CPXM1: variants seen among roughly 807,000 people sequenced by gnomAD.
CPXM1 encodes carboxypeptidase X, M14 family member 1.
A neutral mutation model predicts 80.4 loss-of-function variants in CPXM1; 72 were observed. The observed-to-expected ratio is 0.90, with a 90% CI of 0.74 to 1.09. CPXM1 has a LOEUF of 1.09. Ranked by LOEUF, CPXM1 falls within the 50% of genes least tolerant of loss-of-function variation. The pLI, the probability that CPXM1 is intolerant of heterozygous loss-of-function variation, is 0.00. For synonymous variants in CPXM1, 403 were observed against 405.6 expected, an observed-to-expected ratio of 0.99 and a Z score of 0.08; for missense variants, 892 against 999.4, an observed-to-expected ratio of 0.89 and a Z score of 1.45.
In CPXM1 at chr20:2,794,546, C is replaced by A. The variant is rs372906016; in HGVS notation, c.1954G>T (p.Val652Leu). The change falls in exon 13 of 14, where the codon GTG becomes TTG. Residue 652 changes from valine (V) to leucine (L), a missense_variant. By Grantham distance (32) the Val-to-Leu change is conservative (BLOSUM62 1). This residue lies in a region of CPXM1 where 874 missense variants were observed against 958.4 expected (regional missense o/e 0.91). Transcript: ENST00000380605. The surrounding 1 kb of genome is among the most constrained non-coding windows in gnomAD (Gnocchi z 5.2). The part of the protein sequence containing the change: ...VIAVDGINHD[V>L]TTAWGGDYWR... ...TCCCGGTCAAACACACCCGTGGTCA[C>A]GTCATGGTTAATCCCATCCACGGCA... 1.2e-6 allele frequency: 2 copies of A among 1,614,000 alleles called. No homozygotes were observed. The highest frequency in any genetic ancestry group is 3.3e-5 in the Admixed American group (2 of 60,026).
At position 2,797,486 on chromosome 20, in the gene CPXM1, G is replaced by C. The variant is rs2088522863; in HGVS notation, c.682-144C>G. The C allele has an allele frequency of 2.0e-5, 19 of 945,396 alleles. No individual in the cohort carries two copies. The South Asian group carries it at 3.2e-4, about 16-fold the overall frequency. The allele number at this position is 945,396 out of a possible 1,614,324, so 58.6% of individuals were successfully genotyped here. A position where few individuals can be genotyped will look rare whatever the true frequency, so the allele number is the denominator to read the frequency against. ...AGACTTGCACTGTGCATCAAACACA[G>C]ACCCCGGCCCACAGCCCCTGCCAAT... On this transcript the variant is annotated intron_variant, in intron 5 of 13. Coordinates refer to ENST00000380605, the MANE Select transcript of CPXM1 (RefSeq NM_019609.5).
chr20:2,800,348 G>GCT (rs1218243223), intron 1 of CPXM1, 53 bp downstream of exon 1: 1 of 1,448,230 alleles, frequency 6.9e-7, no homozygotes, highest in East Asian at 2.8e-5. Context: ...CACGGGGCAG[G>GCT]AGAGCCGGGC....
intron 1 of CPXM1, among the ~76,000 whole-genome samples, chr20:2,799,436 G>A (rs567173987): frequency 6.6e-6 from 1 of 152,310 alleles, no homozygotes; most frequent in Non-Finnish European, 1.5e-5. Flanking sequence ...GTCTGCCTGG[G>A]TGTCGAGGCT....
At chr20:2,800,125 T>C (rs942823436) in intron 1 of CPXM1, among the ~76,000 whole-genome samples, 28 of 114,426 alleles carry the variant, frequency 2.4e-4, no homozygotes, top group African/African-American at 7.6e-4. Flanking sequence ...TGCGCGCGCG[T>C]GCACTGTGTG....
At position 2,798,295 on chromosome 20, in the gene CPXM1, C is replaced by A. The variant is rs1475039219; in HGVS notation, c.451-4G>T. 2 of 1,613,498 alleles carry A rather than the reference C, an allele frequency of 1.2e-6. No individual in the cohort carries two copies. Among genetic ancestry groups the A allele is most frequent in the Non-Finnish European group, 1.7e-6 (2 of 1,179,856 alleles). On this transcript the variant is annotated splice_polypyrimidine_tract_variant and splice_region_variant and intron_variant, in intron 3 of 13. Coordinates refer to ENST00000380605, the MANE Select transcript of CPXM1 (RefSeq NM_019609.5). ...GATCGCCGTCCTCCAGGCCTGACTG[C>A]AGACACAGGACATGGTGGTCAGGCC...
chr20:2,796,298 A>G lies in CPXM1; in HGVS notation c.1191T>C (p.Ile397=). Residue 397 remains isoleucine, a synonymous_variant, in exon 9 of 14, where the codon ATT becomes ATC. Transcript: ENST00000380605. The surrounding 1 kb of genome is among the most constrained non-coding windows in gnomAD (Gnocchi z 6.8). ...RVTRLLSEMR[I]HLLPSMNPDG... ...CAGGGTTCATGGAGGGCAGCAGGTG[A>G]ATGCGCATCTCAGAGAGCAGCCGGG... 1 of 1,613,836 alleles carries G rather than the reference A, an allele frequency of 6.2e-7. No individual in the cohort carries two copies. The highest frequency in any genetic ancestry group is 8.5e-7 in the Non-Finnish European group (1 of 1,179,982).
intron 5 of CPXM1, 130 bp from the exon 6 acceptor site, chr20:2,797,472 G>T: frequency 9.4e-7 from 1 of 1,063,470 alleles, no homozygotes. Context: ...GACTTGCACT[G>T]TGCATCAAAC....
chr20:2,795,276 C>G lies in CPXM1; in HGVS notation c.1860+1G>C, dbSNP rs1335151409. ...GCTGGGGGCCGGGACGCAGATCCGACCTGCTCCAGGTAGGTGAGGAGGGCG... is the reference window on the plus strand; with the variant it reads ...GCTGGGGGCCGGGACGCAGATCCGAGCTGCTCCAGGTAGGTGAGGAGGGCG... On this transcript the variant is annotated splice_donor_variant, in intron 12 of 13. Coordinates refer to ENST00000380605, the MANE Select transcript of CPXM1 (RefSeq NM_019609.5). LOFTEE classifies it high-confidence loss of function. This position sits in a 1 kb window ranked among gnomAD's most constrained non-coding sequence, Gnocchi z 5.4. 1 of 1,613,354 alleles carries G rather than the reference C, an allele frequency of 6.2e-7. No individual in the cohort carries two copies. Among genetic ancestry groups the G allele is most frequent in the Non-Finnish European group, 8.5e-7 (1 of 1,179,844 alleles).
Position 2,795,073 on chromosome 20 carries a change from G to A in CPXM1, c.1860+204C>T, listed in dbSNP as rs1392347011. On this transcript the variant is annotated intron_variant, in intron 12 of 13. Coordinates refer to ENST00000380605, the MANE Select transcript of CPXM1 (RefSeq NM_019609.5). The surrounding 1 kb of genome is among the most constrained non-coding windows in gnomAD (Gnocchi z 5.4). The stretch of plus-strand genomic sequence containing the variant: ...GACTGCAATGGAGGCTCCTCCCACC[G>A]GCTCTAACACGATGCCACGCTGCCA... 2.0e-5 allele frequency among the ~76,000 whole-genome samples: 3 copies of A among 151,992 alleles called. No individual in the cohort carries two copies. Among genetic ancestry groups the A allele is most frequent in the Admixed American group, 6.6e-5 (1 of 15,256 alleles).
chr20:2,797,367 T>C (rs865907644), intron 5 of CPXM1, 25 bp from the exon 6 acceptor site: 2 of 1,452,550 alleles, frequency 1.4e-6, no homozygotes, highest in African/African-American at 1.4e-5. Flanking sequence ...TTCTCTGTTG[T>C]GGCTGCTCAA....
intron 1 of CPXM1, among the ~76,000 whole-genome samples, chr20:2,799,907 C>T (rs1054708689): frequency 1.3e-5 from 2 of 152,204 alleles, no homozygotes; most frequent in Admixed American, 1.3e-4. Context: ...CCTCTGTCTC[C>T]CCTCCTGCCA....
In CPXM1 at chr20:2,794,206, C is replaced by G; in HGVS notation, c.2189G>C (p.Arg730Thr). 6.2e-7 allele frequency: 1 copy of G among 1,612,822 alleles called. No individual in the cohort carries two copies. Among genetic ancestry groups the G allele is most frequent in the East Asian group, 2.2e-5 (1 of 44,884 alleles). ...PDLRRRLERLRGQKD is the reference protein window; with the variant it reads ...PDLRRRLERLTGQKD ...CCGCAGGTATCAATCCTTCTGTCCC[C>G]TTAGCCGCTCCAGGCGCCTGCGAAG... Residue 730 changes from arginine (R) to threonine (T), a missense_variant, in exon 14 of 14, where the codon AGG becomes ACG. Coordinates refer to ENST00000380605, the MANE Select transcript of CPXM1 (RefSeq NM_019609.5). The surrounding 1 kb of genome is among the most constrained non-coding windows in gnomAD (Gnocchi z 5.2).
intron 1 of CPXM1, 61 bp downstream of exon 1, chr20:2,800,340 C>T (rs2088557188): frequency 2.2e-6 from 3 of 1,392,592 alleles, no homozygotes; most frequent in East Asian, 2.9e-5. Flanking sequence ...GATCGCCCCA[C>T]GGGGCAGGAG....
chr20:2,794,648 G>A lies in CPXM1; in HGVS notation c.1861-9C>T, dbSNP rs371978601. The A allele has an allele frequency of 1.5e-4, 241 of 1,605,446 alleles. No individual in the cohort carries two copies. Among genetic ancestry groups the A allele is most frequent in the Admixed American group, 2.3e-4 (14 of 59,982 alleles). ...GCAATGCCCATGCGCACCTGTGTGG[G>A]AAGAGGTTATCAGAGCCCTTCCCCT... On this transcript the variant is annotated splice_polypyrimidine_tract_variant and intron_variant, in intron 12 of 13. Coordinates refer to ENST00000380605, the MANE Select transcript of CPXM1 (RefSeq NM_019609.5). This position sits in a 1 kb window ranked among gnomAD's most constrained non-coding sequence, Gnocchi z 5.2.
At position 2,798,769 on chromosome 20, in the gene CPXM1, G is replaced by C. The variant is rs199647329; in HGVS notation, c.297C>G (p.Pro99=). Residue 99 remains proline (P), a synonymous_variant, in exon 2 of 14, where the codon CCC becomes CCG. Coordinates refer to ENST00000380605, the MANE Select transcript of CPXM1 (RefSeq NM_019609.5). ...CGGGGTCGAGGGTCCCTGCTGGAGT[G>C]GGGGTCACAAGGGGCCCGGCAGTCA... ...PLVTAGPLVT[P]TPAGTLDPAE... 6.2e-7 allele frequency: 1 copy of C among 1,613,730 alleles called. No individual in the cohort carries two copies. The highest frequency in any genetic ancestry group is 8.5e-7 in the Non-Finnish European group (1 of 1,179,980).
Position 2,794,790 on chromosome 20 carries a change from A to G in CPXM1, c.1861-151T>C, listed in dbSNP as rs1279650971. The G allele has an allele frequency of 1.6e-6, 1 of 616,886 alleles. No homozygotes were observed. The highest frequency in any genetic ancestry group is 2.9e-6 in the Non-Finnish European group (1 of 349,254). The allele number at this position is 616,886 out of a possible 1,614,324, so 38.2% of individuals were successfully genotyped here. ...CACTACTTCTGGAAGAAAAAAAAAA[A>G]AGAAATCCTGATTGACAAATCACAT... On this transcript the variant is annotated intron_variant, in intron 12 of 13. Transcript: ENST00000380605. This position sits in a 1 kb window ranked among gnomAD's most constrained non-coding sequence, Gnocchi z 5.2.
rs1204799854 is a variant in CPXM1, at chr20:2,795,032, C to G, written c.1860+245G>C. 2.0e-5 allele frequency among the ~76,000 whole-genome samples: 3 copies of G among 152,176 alleles called. No homozygotes were observed. Among genetic ancestry groups the G allele is most frequent in the South Asian group, 2.1e-4 (1 of 4,828 alleles). On this transcript the variant is annotated intron_variant, in intron 12 of 13. Transcript: ENST00000380605. This position sits in a 1 kb window ranked among gnomAD's most constrained non-coding sequence, Gnocchi z 5.4. ...CCTGAGGATAGCTCTGGGGCAGCGC[C>G]ACGGACCACCACCTAGACTGCAATG...
In CPXM1 at chr20:2,797,963, C is replaced by T; in HGVS notation, c.681+5G>A. 1 of 1,613,486 alleles carries T rather than the reference C, an allele frequency of 6.2e-7. No individual in the cohort carries two copies. Among genetic ancestry groups the T allele is most frequent in the Non-Finnish European group, 8.5e-7 (1 of 1,179,448 alleles). On this transcript the variant is annotated splice_donor_5th_base_variant and intron_variant, in intron 5 of 13. Transcript: ENST00000380605. ...GGAGGCCCCAGCCACAGTGGGACCACTCACTGCGTCCATCCCACTGCTGTG... is the reference window on the plus strand; with the variant it reads ...GGAGGCCCCAGCCACAGTGGGACCATTCACTGCGTCCATCCCACTGCTGTG...
chr20:2,796,993 G>C lies in CPXM1; in HGVS notation c.921+13C>G, dbSNP rs376105031. ...TGGGCCCTCCTTCCCAGGTCATAGG[G>C]GTTATATCTGACCTTCCTCATGGCC... On this transcript the variant is annotated intron_variant, in intron 7 of 13. Transcript: ENST00000380605. The surrounding 1 kb of genome is among the most constrained non-coding windows in gnomAD (Gnocchi z 6.8). The C allele has an allele frequency of 1.3e-5, 21 of 1,610,370 alleles. No individual in the cohort carries two copies. The highest frequency in any genetic ancestry group is 1.7e-5 in the Non-Finnish European group (20 of 1,176,726).
Sources: gnomAD v4.1 joint callset for allele counts (sites outside exome capture counted in the v4.1 genomes callset) on GRCh38, gnomAD v4.1.1 for gene constraint, gnomAD v4.1.1 regional missense constraint, Gnocchi (gnomAD v3.1) non-coding constraint, MANE v1.5 for transcripts, NCBI Gene and HGNC (gene_info 2026-07-23, HGNC 2026-07-21) for gene names.